Variants in STARD8 observed in about 807,000 individuals in gnomAD.
STARD8 encodes stAR-related lipid transfer protein 8.
A neutral mutation model predicts 69.4 loss-of-function variants in STARD8; 25 were observed. The observed-to-expected ratio is 0.36, with a 90% CI of 0.26 to 0.50. The LOEUF is 0.50. Ranked by LOEUF, STARD8 falls within the 20% of genes least tolerant of loss-of-function variation. STARD8 has a pLI of 0.96. For synonymous variants in STARD8, 389 were observed against 374.6 expected, an observed-to-expected ratio of 1.04 and a Z score of -0.45; for missense variants, 921 against 932.5, an observed-to-expected ratio of 0.99 and a Z score of 0.16.
chrX:68,676,560 T>C (rs2079766722), intron 2 of STARD8, among the ~76,000 whole-genome samples: 1 of 112,149 alleles, frequency 8.9e-6, no homozygotes, highest in South Asian at 3.7e-4. Flanking sequence ...TCAACCTGTT[T>C]AGCCCTCTGC....
intron 2 of STARD8, among the ~76,000 whole-genome samples, chrX:68,710,033 G>C (rs2080037629): frequency 3.6e-5 from 4 of 111,459 alleles, no homozygotes; most frequent in African/African-American, 9.8e-5. Context: ...AAAACAGCCT[G>C]GGGGGCTGGG....
chrX:68,721,757 G>C lies in STARD8; in HGVS notation c.2459+11G>C. 8.3e-7 allele frequency: 1 copy of C among 1,202,905 alleles called. No individual in the cohort carries two copies. Among genetic ancestry groups the C allele is most frequent in the Non-Finnish European group, 1.1e-6 (1 of 889,346 alleles). ...TAGCCCCTCTCCCAGGTGAAATGGT[G>C]CACGGCATGTCAGGGCCGGGCTGGG... On this transcript the variant is annotated intron_variant, in intron 10 of 14. Transcript: ENST00000374599.
chrX:68,694,017 C>A (rs1163515379), intron 2 of STARD8, among the ~76,000 whole-genome samples: 1 of 113,271 alleles, frequency 8.8e-6, no homozygotes, highest in Non-Finnish European at 1.9e-5. Context: ...GGGTCAGAAT[C>A]GCCGAAATTG....
At chrX:68,671,765 C>T (rs1164259690) in intron 2 of STARD8, among the ~76,000 whole-genome samples, 1 of 111,801 alleles carries the variant, frequency 8.9e-6, no homozygotes, top group Non-Finnish European at 1.9e-5. Flanking sequence ...TGGAGGTCGC[C>T]CACATCTCAA....
At chrX:68,670,424 G>A (rs149081466) in intron 2 of STARD8, among the ~76,000 whole-genome samples, 2 of 111,744 alleles carry the variant, frequency 1.8e-5, no homozygotes, top group African/African-American at 6.5e-5. Context: ...ATGGGGGGAA[G>A]GATTTCCAGG....
At chrX:68,653,216 CA>C (rs2079577100) in intron 1 of STARD8, among the ~76,000 whole-genome samples, 1 of 49,428 alleles carries the variant, frequency 2.0e-5, no homozygotes, top group Non-Finnish European at 3.6e-5. Context: ...CCACACCACA[CA>C]ACATACACAC....
chrX:68,663,543 TTC>T (rs1266365191), intron 1 of STARD8, among the ~76,000 whole-genome samples: 1 of 112,086 alleles, frequency 8.9e-6, no homozygotes, highest in Non-Finnish European at 1.9e-5. Context: ...CTATCTGTAA[TTC>T]TGTTAAAACT....
In STARD8 at chrX:68,724,299, C is replaced by T. The variant is rs1265889005; in HGVS notation, c.3195-6C>T. ...TGCTCATGCCTGGTTTCTTCTGCTT[C>T]CCTAGGGGCCGTTCTCCTGACTGGT... On this transcript the variant is annotated splice_region_variant and splice_polypyrimidine_tract_variant and intron_variant, in intron 14 of 14. Transcript: ENST00000374599. 5.8e-6 allele frequency: 7 copies of T among 1,207,282 alleles called. No homozygotes were observed. The South Asian group carries it at 1.2e-4, about 21-fold the overall frequency.
chrX:68,685,739 T>C (rs2079827596), intron 2 of STARD8, among the ~76,000 whole-genome samples: 1 of 112,531 alleles, frequency 8.9e-6, no homozygotes, highest in African/African-American at 3.2e-5. Context: ...ATCTGTAACA[T>C]AAGGGAGTCT....
chrX:68,667,567 C>A (rs2079691477), intron 2 of STARD8, among the ~76,000 whole-genome samples: 1 of 111,500 alleles, frequency 9.0e-6, no homozygotes, highest in African/African-American at 3.3e-5. Context: ...AGTCTCTTCT[C>A]ACCCCAAGTC....
rs2080107918 is a variant in STARD8, at chrX:68,717,885, G to T, written c.971G>T (p.Gly324Val). Residue 324 changes from glycine (G) to valine (V), a missense_variant, in exon 6 of 15, where the codon GGA (glycine) becomes GTA (valine). Physicochemically the swap from Gly to Val is moderately radical, Grantham distance 109 (BLOSUM62 -3). Coordinates refer to ENST00000374599, the MANE Select transcript of STARD8 (RefSeq NM_001142503.3). Reference sequence around the variant, plus strand: ...ATTGAGAGCCTGTGTCCTGAGGATGGACACCGCCTGGCAGACTGGCAGCCA... The same window carrying T: ...ATTGAGAGCCTGTGTCCTGAGGATGTACACCGCCTGGCAGACTGGCAGCCA... Reference protein sequence around the residue: ...LSIESLCPEDGHRLADWQPGR... With the variant: ...LSIESLCPEDVHRLADWQPGR... 1 of 1,208,725 alleles carries T rather than the reference G, an allele frequency of 8.3e-7. No individual in the cohort carries two copies. Among genetic ancestry groups the T allele is most frequent in the Non-Finnish European group, 1.1e-6 (1 of 893,956 alleles).
chrX:68,717,932 G>T lies in STARD8; in HGVS notation c.1018G>T (p.Gly340Trp), dbSNP rs1338593112. 1.7e-6 allele frequency: 2 copies of T among 1,208,727 alleles called. No homozygotes were observed. Among genetic ancestry groups the T allele is most frequent in the South Asian group, 1.8e-5 (1 of 56,410 alleles). Reference protein sequence around the residue: ...WQPGRRWGCEGRRGSCGSTGS... With the variant: ...WQPGRRWGCEWRRGSCGSTGS... ...GCCAGGTAGGCGGTGGGGCTGTGAG[G>T]GGCGCCGGGGCTCCTGTGGCTCAAC... Residue 340 changes from glycine to tryptophan, a missense_variant, in exon 6 of 15, where the codon GGG (glycine) becomes TGG (tryptophan). By Grantham distance (184) the Gly-to-Trp change is radical. Transcript: ENST00000374599.
At chrX:68,678,015 G>A (rs2079777351) in intron 2 of STARD8, among the ~76,000 whole-genome samples, 1 of 111,070 alleles carries the variant, frequency 9.0e-6, no homozygotes, top group South Asian at 3.8e-4. Flanking sequence ...TTTGACAGAA[G>A]GGAAACTGAG....
Position 68,700,527 on chromosome X carries a change from A to G in STARD8, c.80-12387A>G, listed in dbSNP as rs191291208. Among the ~76,000 whole-genome samples the G allele has an allele frequency of 1.7e-4, 19 of 112,645 alleles. No individual in the cohort carries two copies. In the East Asian group the frequency reaches 5.0e-3, roughly 30 times the overall value. On this transcript the variant is annotated intron_variant, in intron 2 of 14. Coordinates refer to ENST00000374599, the MANE Select transcript of STARD8 (RefSeq NM_001142503.3). Reference sequence around the variant, plus strand: ...TGTTCCTGTGAGAGAGTGAGCTCCAAGGGACGTGGCCTAGGATTTCCTGTC... The same window carrying G: ...TGTTCCTGTGAGAGAGTGAGCTCCAGGGGACGTGGCCTAGGATTTCCTGTC...
chrX:68,718,877 G>A (rs1170582006), intron 6 of STARD8, among the ~76,000 whole-genome samples: 1 of 111,382 alleles, frequency 9.0e-6, no homozygotes, highest in Non-Finnish European at 1.9e-5. Flanking sequence ...TCTGTAAAGT[G>A]AGGGAGGATG....
Position 68,721,516 on chromosome X carries a change from C to T in STARD8, c.2249-20C>T, listed in dbSNP as rs776982018. On this transcript the variant is annotated intron_variant, in intron 9 of 14. Transcript: ENST00000374599. ...CTCTGGGGAAGTAAGGAAGGCTCTTCTTCCATTGCTTCCTCACAGTCCTCC... is the reference window on the plus strand; with the variant it reads ...CTCTGGGGAAGTAAGGAAGGCTCTTTTTCCATTGCTTCCTCACAGTCCTCC... The T allele has an allele frequency of 3.4e-5, 41 of 1,203,726 alleles. No homozygotes were observed. Among genetic ancestry groups the T allele is most frequent in the Non-Finnish European group, 4.5e-5 (40 of 891,450 alleles).
chrX:68,724,181 G>T, intron 14 of STARD8, 60 bp downstream of exon 14: 1 of 1,180,727 alleles, frequency 8.5e-7, no homozygotes, highest in East Asian at 3.0e-5. Flanking sequence ...CCCTGCCTCT[G>T]CCCCTACTTT....
chrX:68,670,993 G>A (rs150203948), intron 2 of STARD8, among the ~76,000 whole-genome samples: 13 of 111,462 alleles, frequency 1.2e-4, no homozygotes, highest in African/African-American at 3.6e-4. Context: ...GGTTGCAACC[G>A]CTACCTAACT....
Position 68,709,567 on chromosome X carries a change from G to A in STARD8, c.80-3347G>A, listed in dbSNP as rs111579186. 5.8e-3 allele frequency among the ~76,000 whole-genome samples: 652 copies of A among 111,765 alleles called. 2 individuals are homozygous for A. Among genetic ancestry groups the A allele is most frequent in the Middle Eastern group, 0.019 (4 of 216 alleles). On this transcript the variant is annotated intron_variant, in intron 2 of 14. Coordinates refer to ENST00000374599, the MANE Select transcript of STARD8 (RefSeq NM_001142503.3). ...TCACACCTGTAATCCTAGCACTTTG[G>A]GAGGCTGAGACAGGGAGACAGGAGG...
Sources: allele counts gnomAD v4.1 joint callset (sites outside exome capture counted in the v4.1 genomes callset), GRCh38; gene constraint gnomAD v4.1.1; transcripts MANE v1.5; gene names NCBI Gene and HGNC (gene_info 2026-07-23, HGNC 2026-07-21).